The following PCDHA5 variants were observed in gnomAD, a reference collection of about 807,000 sequenced individuals.
PCDHA5 encodes protocadherin alpha 5.
Under a neutral mutation model 61.6 loss-of-function variants are expected in PCDHA5, and 43 were observed. The observed-to-expected ratio is 0.70, with a 90% CI of 0.55 to 0.90. The LOEUF (loss-of-function observed/expected upper bound fraction) is 0.90. Among genes scored for constraint, PCDHA5 ranks in the 40% least tolerant of loss-of-function variants. The pLI, the probability that PCDHA5 is intolerant of heterozygous loss-of-function variation, is 0.00. For synonymous variants in PCDHA5, 627 were observed against 543.9 expected, an observed-to-expected ratio of 1.15 and a Z score of -2.13; for missense variants, 1,298 against 1,222.7, an observed-to-expected ratio of 1.06 and a Z score of -0.92.
At chr5:140,913,997 A>G (rs2076553878) in intron 1 of PCDHA5, among the ~76,000 whole-genome samples, 1 of 152,170 alleles carries the variant, frequency 6.6e-6, no homozygotes, top group Admixed American at 6.5e-5. Flanking sequence ...TGACTAGCAT[A>G]TGGTCTATCT....
chr5:140,946,658 A>C (rs2094004902), intron 1 of PCDHA5, among the ~76,000 whole-genome samples: 1 of 147,652 alleles, frequency 6.8e-6, no homozygotes, highest in South Asian at 2.1e-4. Flanking sequence ...CAGCCATTAG[A>C]AAGAATGAAA....
intron 3 of PCDHA5, among the ~76,000 whole-genome samples, chr5:141,007,961 C>G (rs1554261577): frequency 6.6e-6 from 1 of 152,176 alleles, no homozygotes; most frequent in East Asian, 1.9e-4. Flanking sequence ...TGCTCATTCT[C>G]TGGGTGTCTG....
chr5:140,857,779 T>C (rs2044890811), intron 1 of PCDHA5: 2 of 1,597,506 alleles, frequency 1.3e-6, no homozygotes, highest in Non-Finnish European at 8.6e-7. Context: ...GTGCAGTCAG[T>C]GAGCTGGTGC....
Position 140,829,519 on chromosome 5 carries a change from G to T in PCDHA5, c.2352+5392G>T, listed in dbSNP as rs140453889. 8.6e-4 allele frequency: 1,385 copies of T among 1,613,420 alleles called. 16 individuals carry two copies. The African/African-American group carries it at 0.017, about 19-fold the overall frequency. Reference sequence around the variant, plus strand: ...ACCCGCCGGGCTGCCACATCTTCACGGTGTCTGCGCGAGACGCGGACGCGC... The same window carrying T: ...ACCCGCCGGGCTGCCACATCTTCACTGTGTCTGCGCGAGACGCGGACGCGC... On this transcript the variant is annotated intron_variant, in intron 1 of 3. Transcript: ENST00000529859.
chr5:140,857,552 T>G lies in PCDHA5; in HGVS notation c.2352+33425T>G, dbSNP rs782203645. 82 of 1,596,700 alleles carry G rather than the reference T, an allele frequency of 5.1e-5. 3 individuals carry two copies. The Middle Eastern group carries it at 9.6e-4, about 19-fold the overall frequency. ...GGTGGAGCGGCGGTTGGGCGAGCGC[T>G]CGCTGTCGAGCTACGTGTCGGTGCA... On this transcript the variant is annotated intron_variant, in intron 1 of 3. Transcript: ENST00000529859.
intron 3 of PCDHA5, among the ~76,000 whole-genome samples, chr5:140,988,079 G>A (rs1431334458): frequency 6.6e-6 from 1 of 152,188 alleles, no homozygotes; most frequent in Non-Finnish European, 1.5e-5. Flanking sequence ...TATTTCATGA[G>A]TGAGTGCAGC....
intron 1 of PCDHA5, chr5:140,830,438 A>G: frequency 6.2e-7 from 1 of 1,612,916 alleles, no homozygotes; most frequent in Admixed American, 1.7e-5. Context: ...TCCTATTATG[A>G]TGGGTAAGGC....
chr5:140,941,214 C>CTTCTTTCTTTCTTT (rs1554214039), intron 1 of PCDHA5, among the ~76,000 whole-genome samples: 1 of 122,414 alleles, frequency 8.2e-6, no homozygotes. Flanking sequence ...TTTCTTTCTT[C>CTTCTTTCTTTCTTT]CTTTCTTTCT....
chr5:140,883,263 G>T (rs562257406), intron 1 of PCDHA5: 2 of 1,613,988 alleles, frequency 1.2e-6, no homozygotes, highest in Admixed American at 1.7e-5. Flanking sequence ...CCAATGGCGG[G>T]TCATTGTACC....
At position 140,829,133 on chromosome 5, in the gene PCDHA5, C is replaced by T. The variant is rs1554131766; in HGVS notation, c.2352+5006C>T. ...AATTTTGGATAAAAATGATAACGTC[C>T]CTGAGATAGCACTGACTTCCTTATC... On this transcript the variant is annotated intron_variant, in intron 1 of 3. Transcript: ENST00000529859. 6.2e-7 allele frequency: 1 copy of T among 1,612,836 alleles called. No homozygotes were observed. Among genetic ancestry groups the T allele is most frequent in the Admixed American group, 1.7e-5 (1 of 60,014 alleles).
chr5:140,823,666 A>T lies in PCDHA5; in HGVS notation c.1891A>T (p.Ser631Cys). ...CGTGGGGCTGTACACAGGCGAGATC[A>T]GCACAACACGCTCTCTGGATGAGAC... The part of the protein sequence containing the change: ...FRVGLYTGEI[S>C]TTRSLDETEA... The change falls in exon 1 of 4, where the codon AGC becomes TGC. Residue 631 changes from serine to cysteine, a missense_variant. Physicochemically the swap from Ser to Cys is moderately radical, Grantham distance 112. Coordinates refer to ENST00000529859, the MANE Select transcript of PCDHA5 (RefSeq NM_018908.3). 1 of 1,614,028 alleles carries T rather than the reference A, an allele frequency of 6.2e-7. No individual in the cohort carries two copies. Among genetic ancestry groups the T allele is most frequent in the South Asian group, 1.1e-5 (1 of 91,084 alleles).
chr5:140,923,573 A>C (rs1180737452), intron 1 of PCDHA5, among the ~76,000 whole-genome samples: 2 of 152,214 alleles, frequency 1.3e-5, no homozygotes, highest in African/African-American at 4.8e-5. Flanking sequence ...GGTCCTGCTA[A>C]AGAGAAGGTT....
Position 140,876,296 on chromosome 5 carries a change from G to C in PCDHA5, c.2352+52169G>C, listed in dbSNP as rs1337465467. On this transcript the variant is annotated intron_variant, in intron 1 of 3. Coordinates refer to ENST00000529859, the MANE Select transcript of PCDHA5 (RefSeq NM_018908.3). ...TCCGATCCAGACGAAGGACTTAATGGAGAAATTTCCTATGGGATCAAAATG... is the reference window on the plus strand; with the variant it reads ...TCCGATCCAGACGAAGGACTTAATGCAGAAATTTCCTATGGGATCAAAATG... 19 of 1,613,952 alleles carry C rather than the reference G, an allele frequency of 1.2e-5. No individual in the cohort carries two copies. Among genetic ancestry groups the C allele is most frequent in the Non-Finnish European group, 1.6e-5 (19 of 1,179,904 alleles).
intron 1 of PCDHA5, chr5:140,884,505 G>A: frequency 6.2e-7 from 1 of 1,614,170 alleles, no homozygotes. Context: ...AGCGCGGCAG[G>A]GAGTTGGTCG....
intron 1 of PCDHA5, among the ~76,000 whole-genome samples, chr5:140,917,324 C>CGGGGGGCG (rs1299895515): frequency 1.3e-5 from 1 of 76,124 alleles, no homozygotes; most frequent in Non-Finnish European, 2.9e-5. Context: ...GTTCATGTGG[C>CGGGGGGCG]GGGGGAGGGG....
At chr5:140,968,540 G>A (rs1554230842) in intron 1 of PCDHA5, 8 of 1,614,064 alleles carry the variant, frequency 5.0e-6, no homozygotes, top group Non-Finnish European at 1.7e-6. Context: ...AGCAGCCTTC[G>A]AGATGGTGCC....
At chr5:140,950,050 T>C (rs1554219269) in intron 1 of PCDHA5, among the ~76,000 whole-genome samples, 3 of 151,956 alleles carry the variant, frequency 2.0e-5, no homozygotes, top group Admixed American at 6.6e-5. Context: ...CATATAAGAC[T>C]ATTTAGCTCT....
At position 140,877,077 on chromosome 5, in the gene PCDHA5, G is replaced by A. The variant is rs373726752; in HGVS notation, c.2352+52950G>A. The A allele has an allele frequency of 1.1e-4, 183 of 1,613,104 alleles. 1 individual carries two copies. The highest frequency in any genetic ancestry group is 1.5e-4 in the Non-Finnish European group (175 of 1,179,844). On this transcript the variant is annotated intron_variant, in intron 1 of 3. Coordinates refer to ENST00000529859, the MANE Select transcript of PCDHA5 (RefSeq NM_018908.3). ...AGCTGGAGCTGCTGCAGTTCCAGGT[G>A]AGCGCGCGCGACGCCGGCGTGCCGC...
intron 1 of PCDHA5, chr5:140,856,526 G>C (rs1461628453): frequency 6.3e-7 from 1 of 1,598,340 alleles, no homozygotes; most frequent in Non-Finnish European, 8.6e-7. Context: ...ATCTGATGCG[G>C]ATGTTGGAGA....
Sources: gnomAD v4.1 joint callset for allele counts (sites outside exome capture counted in the v4.1 genomes callset) on GRCh38, gnomAD v4.1.1 for gene constraint, MANE v1.5 for transcripts, NCBI Gene and HGNC (gene_info 2026-07-23, HGNC 2026-07-21) for gene names.